The following ZDHHC5 variants were observed in gnomAD, a reference collection of about 807,000 sequenced individuals.
ZDHHC5 encodes zDHHC palmitoyltransferase 5.
In ZDHHC5, 22 loss-of-function variants were observed where a neutral mutation model predicts 70.0. The ratio of observed to expected loss-of-function variants is 0.31; its 90% CI spans 0.22 to 0.45. ZDHHC5 has a LOEUF of 0.45. Among genes scored for constraint, ZDHHC5 ranks in the 20% least tolerant of loss-of-function variants. The pLI, the probability that ZDHHC5 is intolerant of heterozygous loss-of-function variation, is 1.00. For missense variants in ZDHHC5, 746 were observed against 926.9 expected (o/e 0.80, Z 2.53); for synonymous variants, 313 against 347.8 (o/e 0.90, Z 1.11).
intron 2 of ZDHHC5, among the ~76,000 whole-genome samples, chr11:57,677,431 C>T (rs1171032684): frequency 6.6e-6 from 1 of 151,846 alleles, no homozygotes; most frequent in East Asian, 1.9e-4. Flanking sequence ...GAATTACAGG[C>T]GCCTGCCACT....
chr11:57,670,594 A>C (rs1369635829), intron 1 of ZDHHC5, among the ~76,000 whole-genome samples: 8 of 152,166 alleles, frequency 5.3e-5, no homozygotes, highest in Non-Finnish European at 1.2e-4. Context: ...TTAAATAATC[A>C]TTAAATCAGG....
At chr11:57,673,277 C>G in intron 2 of ZDHHC5, 83 bp downstream of exon 2, 1 of 1,379,116 alleles carries the variant, frequency 7.3e-7, no homozygotes, top group Non-Finnish European at 1.0e-6. Context: ...TTGAGTTTTG[C>G]AAAGCCAAGT....
At chr11:57,696,722 G>C (rs1255376028) in intron 9 of ZDHHC5, 39 bp from the exon 10 acceptor site, 4 of 1,590,798 alleles carry the variant, frequency 2.5e-6, no homozygotes, top group Admixed American at 3.3e-5. Context: ...CCAAAAAACC[G>C]CTTGTAAAAT....
Position 57,700,260 on chromosome 11 carries a change from T to G in ZDHHC5, c.*229T>G. 2.4e-6 allele frequency: 1 copy of G among 421,564 alleles called. No homozygotes were observed. The highest frequency in any genetic ancestry group is 4.1e-6 in the Non-Finnish European group (1 of 242,962). The allele number at this position is 421,564 out of a possible 1,614,324, so 26.1% of individuals were successfully genotyped here. ...CCCTTTTATCTTTTAAGACCTTCCC[T>G]TCCTTGATCCCTGGACCAGACTCAG... is the stretch of plus-strand genomic sequence containing the variant. On this transcript the variant is annotated 3_prime_UTR_variant, in exon 12 of 12. Coordinates refer to ENST00000287169, the MANE Select transcript of ZDHHC5 (RefSeq NM_015457.3).
chr11:57,690,663 C>T (rs141840109), intron 6 of ZDHHC5, among the ~76,000 whole-genome samples: 2,212 of 152,264 alleles, frequency 0.015, 18 homozygotes, highest in Non-Finnish European at 0.022. Context: ...GAATACTATG[C>T]AGCCATAAAA....
At chr11:57,669,806 CTG>C (rs1365177975) in intron 1 of ZDHHC5, among the ~76,000 whole-genome samples, 2 of 152,210 alleles carry the variant, frequency 1.3e-5, no homozygotes, top group Non-Finnish European at 2.9e-5. Flanking sequence ...TGGATTCAAA[CTG>C]TTGACTCTGA....
intron 2 of ZDHHC5, among the ~76,000 whole-genome samples, chr11:57,677,485 C>A (rs558040548): frequency 6.6e-6 from 1 of 152,158 alleles, no homozygotes; most frequent in Non-Finnish European, 1.5e-5. Flanking sequence ...TGGGGTTTCA[C>A]CATAATGGCC....
Position 57,692,662 on chromosome 11 carries a change from A to G in ZDHHC5, c.712A>G (p.Asn238Asp), listed in dbSNP as rs1196440569. The G allele has an allele frequency of 6.2e-6, 10 of 1,614,140 alleles. No homozygotes were observed. The highest frequency in any genetic ancestry group is 7.6e-6 in the Non-Finnish European group (9 of 1,180,032). ...GAACCCCTTCACCAATGGCTGCTGTAACAATGTCAGCCGTGTTCTCTGCAG... is the reference window on the plus strand; with the variant it reads ...GAACCCCTTCACCAATGGCTGCTGTGACAATGTCAGCCGTGTTCTCTGCAG... ...GVNPFTNGCC[N>D]NVSRVLCSSP... Residue 238 changes from asparagine (N) to aspartate (D), a missense_variant, in exon 7 of 12, where the codon AAC becomes GAC. By Grantham distance (23) the Asn-to-Asp change is conservative. Around this residue, in one of 6 missense-constraint regions of ZDHHC5, gnomAD observed 114 missense variants for 179.3 expected, o/e 0.64. Transcript: ENST00000287169.
chr11:57,674,315 A>AG (rs1272754306), intron 2 of ZDHHC5, among the ~76,000 whole-genome samples: 4 of 133,288 alleles, frequency 3.0e-5, no homozygotes, highest in Admixed American at 1.5e-4. Flanking sequence ...CTTTTTCCTC[A>AG]GTTTTTTTTT....
At position 57,699,858 on chromosome 11, in the gene ZDHHC5, C is replaced by T. The variant is rs749066430; in HGVS notation, c.1983-8C>T. ...TCCTGACACCTACGTCTTGTCTCTT[C>T]TTTCCAGAGATGAAGTACAGCTGAA... On this transcript the variant is annotated splice_region_variant and splice_polypyrimidine_tract_variant and intron_variant, in intron 11 of 11. Transcript: ENST00000287169. 3.1e-6 allele frequency: 5 copies of T among 1,614,096 alleles called. No homozygotes were observed. Among genetic ancestry groups the T allele is most frequent in the Non-Finnish European group, 4.2e-6 (5 of 1,180,038 alleles).
chr11:57,694,166 AT>A (rs1235462710), intron 8 of ZDHHC5, among the ~76,000 whole-genome samples: 1 of 151,230 alleles, frequency 6.6e-6, no homozygotes, highest in Non-Finnish European at 1.5e-5. Flanking sequence ...TAATTTTTGT[AT>A]TTTTAGTAGA....
chr11:57,693,974 A>G (rs1019983058), intron 8 of ZDHHC5, 59 bp downstream of exon 8: 7 of 1,539,296 alleles, frequency 4.5e-6, no homozygotes, highest in Admixed American at 2.2e-5. Flanking sequence ...AGGCAAAGAG[A>G]CGGAAGCTTG....
chr11:57,698,149 A>AC (rs201334926), intron 10 of ZDHHC5, among the ~76,000 whole-genome samples: 36,841 of 150,556 alleles, frequency 0.24, 5,150 homozygotes, highest in Non-Finnish European at 0.33. Context: ...ACACACACAC[A>AC]AACAAATGCC....
chr11:57,698,148 C>CACACAA (rs1311355261), intron 10 of ZDHHC5, among the ~76,000 whole-genome samples: 2 of 150,612 alleles, frequency 1.3e-5, no homozygotes, highest in East Asian at 3.9e-4. Flanking sequence ...CACACACACA[C>CACACAA]AAACAAATGC....
intron 3 of ZDHHC5, among the ~76,000 whole-genome samples, chr11:57,685,380 G>A (rs943417038): frequency 1.3e-5 from 2 of 152,214 alleles, no homozygotes; most frequent in African/African-American, 4.8e-5. Flanking sequence ...GCCGGGCGTG[G>A]TGGCTTACGC....
chr11:57,677,083 G>A (rs1394753747), intron 2 of ZDHHC5, among the ~76,000 whole-genome samples: 2 of 148,094 alleles, frequency 1.4e-5, no homozygotes, highest in Admixed American at 6.8e-5. Flanking sequence ...CACTACACCC[G>A]GCTAATTTTT....
chr11:57,671,807 C>T (rs1946009855), intron 1 of ZDHHC5, among the ~76,000 whole-genome samples: 1 of 152,188 alleles, frequency 6.6e-6, no homozygotes, highest in African/African-American at 2.4e-5. Context: ...CAGGTGAAGC[C>T]ATGTTCTGCT....
At chr11:57,670,620 AT>A (rs1340083306) in intron 1 of ZDHHC5, among the ~76,000 whole-genome samples, 1 of 152,118 alleles carries the variant, frequency 6.6e-6, no homozygotes, top group Non-Finnish European at 1.5e-5. Flanking sequence ...GAGAGGATTT[AT>A]GTTTTCTAGG....
chr11:57,690,526 G>T, intron 6 of ZDHHC5, 89 bp downstream of exon 6: 2 of 1,328,252 alleles, frequency 1.5e-6, no homozygotes, highest in Non-Finnish European at 2.2e-6. Flanking sequence ...CTTCCACAAA[G>T]AGATGCTTAA....
Sources: allele counts gnomAD v4.1 joint callset (sites outside exome capture counted in the v4.1 genomes callset), GRCh38; gene constraint gnomAD v4.1.1; regional missense constraint gnomAD v4.1.1; transcripts MANE v1.5; gene names NCBI Gene and HGNC (gene_info 2026-07-23, HGNC 2026-07-21).